NBAS: variants seen among roughly 807,000 people sequenced by gnomAD.
NBAS encodes the protein NAG/BC035112 fusion.
Under a neutral mutation model 302.5 loss-of-function variants are expected in NBAS, and 219 were observed. That is an observed-to-expected ratio of 0.72 (90% CI 0.65 to 0.81). NBAS has a LOEUF of 0.81. Among genes scored for constraint, NBAS ranks in the 30% least tolerant of loss-of-function variants. NBAS has a pLI of 0.00. For synonymous variants in NBAS, 1,118 were observed against 1,021.6 expected (o/e 1.09, Z -1.80); for missense variants, 2,932 against 2,841.6 (o/e 1.03, Z -0.72).
At chr2:14,913,050 T>A in the NBAS span, among the ~76,000 whole-genome samples, 1 of 152,226 alleles carries the variant, frequency 6.6e-6, no homozygotes, top group Non-Finnish European at 1.5e-5. Flanking sequence ...AACCCATTTA[T>A]AAGAGGCTGT....
chr2:14,866,318 G>A, the NBAS span, among the ~76,000 whole-genome samples: 1 of 152,106 alleles, frequency 6.6e-6, no homozygotes, highest in Non-Finnish European at 1.5e-5. Context: ...ACCAACCCAT[G>A]TTCTCTAACC....
Position 15,179,047 on chromosome 2 carries a change from CGAG to C in NBAS, c.6778_6780del (p.Leu2260del), listed in dbSNP as rs1558412994. 1 of 1,614,000 alleles carries C rather than the reference CGAG, an allele frequency of 6.2e-7. No individual in the cohort carries two copies. Among genetic ancestry groups the C allele is most frequent in the Non-Finnish European group, 8.5e-7 (1 of 1,180,016 alleles). The stretch of plus-strand genomic sequence containing the variant: ...TCGTGCAGATGCTCATCTCGGCTCT[CGAG>C]GAGAAGTTTCAGAGATGGAAGCAGG... On this transcript the variant is annotated inframe_deletion, in exon 51 of 52. Coordinates refer to ENST00000281513, the MANE Select transcript of NBAS (RefSeq NM_015909.4).
the NBAS span, among the ~76,000 whole-genome samples, chr2:14,860,867 G>T: frequency 2.0e-5 from 3 of 152,086 alleles, no homozygotes; most frequent in African/African-American, 7.2e-5. Context: ...ATAGCATAAA[G>T]AAAAGACAAA....
the NBAS span, among the ~76,000 whole-genome samples, chr2:15,008,608 C>A: frequency 6.6e-6 from 1 of 152,144 alleles, no homozygotes; most frequent in African/African-American, 2.4e-5. Flanking sequence ...AAGGTATAGA[C>A]ACCTCTGATC....
At chr2:15,488,614 T>A (rs553840324) in intron 12 of NBAS, among the ~76,000 whole-genome samples, 1 of 152,266 alleles carries the variant, frequency 6.6e-6, no homozygotes, top group African/African-American at 2.4e-5. Context: ...ATTCTGTACT[T>A]TTGAATGACA....
intron 25 of NBAS, among the ~76,000 whole-genome samples, chr2:15,407,118 G>A (rs548437073): frequency 4.1e-4 from 62 of 152,178 alleles, no homozygotes; most frequent in Non-Finnish European, 7.9e-4. Context: ...AAAATATTGG[G>A]AATGGCATGT....
intron 35 of NBAS, among the ~76,000 whole-genome samples, chr2:15,340,052 G>T (rs1224439885): frequency 6.6e-6 from 1 of 152,142 alleles, no homozygotes; most frequent in Non-Finnish European, 1.5e-5. Flanking sequence ...AGAGACCATG[G>T]GTGTCCTTGT....
chr2:15,166,744 C>T (rs939854708), downstream of NBAS, among the ~76,000 whole-genome samples: 1 of 152,136 alleles, frequency 6.6e-6, no homozygotes. Context: ...CCAGCACATC[C>T]AACTTGCTGA....
the NBAS span, among the ~76,000 whole-genome samples, chr2:15,010,010 C>A: frequency 6.6e-6 from 1 of 152,110 alleles, no homozygotes; most frequent in South Asian, 2.1e-4. Context: ...AGGGGAAATT[C>A]TTCAATCTGA....
chr2:15,110,607 C>G, the NBAS span, among the ~76,000 whole-genome samples: 1 of 152,244 alleles, frequency 6.6e-6, no homozygotes, highest in East Asian at 1.9e-4. Flanking sequence ...ATAGTGGAAT[C>G]CTCAGACCCT....
intron 50 of NBAS, chr2:15,179,459 C>T: frequency 3.5e-6 from 1 of 283,434 alleles, no homozygotes; most frequent in South Asian, 4.2e-5. Flanking sequence ...TTTATAGCTC[C>T]TTTGCAGGTT....
intron 41 of NBAS, among the ~76,000 whole-genome samples, chr2:15,288,495 T>C (rs1670158952): frequency 6.6e-6 from 1 of 152,194 alleles, no homozygotes. Context: ...AGGAACGTAC[T>C]GGGTCCTCAG....
the NBAS span, among the ~76,000 whole-genome samples, chr2:15,128,253 A>G: frequency 6.6e-6 from 1 of 152,236 alleles, no homozygotes; most frequent in African/African-American, 2.4e-5. Flanking sequence ...TAATGCTAAT[A>G]TCCTTACTTT....
At position 15,424,392 on chromosome 2, in the gene NBAS, T is replaced by A; in HGVS notation, c.2500A>T (p.Met834Leu). ...AAQPELLRFR[M>L]TQLTVEKVMD... ...ACCTTCTCCACCGTAAGCTGGGTCA[T>A]CCTGAACCTTAGTAACTCAGGCTGT... The change falls in exon 23 of 52, where the codon ATG becomes TTG. Residue 834 changes from methionine (M) to leucine (L), a missense_variant. Met to Leu is a conservative substitution (Grantham distance 15). Transcript: ENST00000281513. 6.2e-7 allele frequency: 1 copy of A among 1,614,128 alleles called. No homozygotes were observed. The highest frequency in any genetic ancestry group is 8.5e-7 in the Non-Finnish European group (1 of 1,179,990).
At chr2:15,220,073 C>T (rs1193617470) in intron 47 of NBAS, among the ~76,000 whole-genome samples, 1 of 135,126 alleles carries the variant, frequency 7.4e-6, no homozygotes, top group Non-Finnish European at 1.6e-5. Flanking sequence ...GCTGGCCGGG[C>T]GGGGGGCTGA....
chr2:15,316,052 T>C (rs899067952), intron 38 of NBAS, among the ~76,000 whole-genome samples: 4 of 152,234 alleles, frequency 2.6e-5, no homozygotes, highest in African/African-American at 9.6e-5. Flanking sequence ...ATGCACAACA[T>C]GTAATACTGG....
At chr2:15,147,315 T>C in the NBAS span, among the ~76,000 whole-genome samples, 3 of 152,108 alleles carry the variant, frequency 2.0e-5, no homozygotes, top group Non-Finnish European at 4.4e-5. Flanking sequence ...TGTTCTGGGC[T>C]GGGCGTGGTG....
At chr2:15,151,850 A>T in the NBAS span, among the ~76,000 whole-genome samples, 1 of 151,602 alleles carries the variant, frequency 6.6e-6, no homozygotes, top group South Asian at 2.1e-4. Context: ...AGTCTTTTTT[A>T]TTTTTTATTT....
chr2:15,335,805 T>A (rs1662664896), intron 35 of NBAS, among the ~76,000 whole-genome samples: 1 of 152,232 alleles, frequency 6.6e-6, no homozygotes, highest in South Asian at 2.1e-4. Flanking sequence ...TGATGTCTTG[T>A]GATTAACAGA....
Sources: gnomAD v4.1 joint callset for allele counts (sites outside exome capture counted in the v4.1 genomes callset) on GRCh38, gnomAD v4.1.1 for gene constraint, MANE v1.5 for transcripts, NCBI Gene and HGNC (gene_info 2026-07-23, HGNC 2026-07-21) for gene names.